The following CYSLTR2 variants were observed in gnomAD, a reference collection of about 807,000 sequenced individuals.
CYSLTR2 encodes cysteinyl leukotriene receptor 2.
For synonymous variants in CYSLTR2, 179 were observed against 160.8 expected (o/e 1.11, Z -0.86); for missense variants, 398 against 411.9 (o/e 0.97, Z 0.29).
chr13:48,686,274 T>G (rs986272376), intron 1 of CYSLTR2, among the ~76,000 whole-genome samples: 6 of 152,196 alleles, frequency 3.9e-5, no homozygotes, highest in African/African-American at 1.4e-4. Context: ...CTTTAGATCA[T>G]TATATGGATT....
chr13:48,692,798 A>G (rs1247187275), intron 2 of CYSLTR2, among the ~76,000 whole-genome samples: 1 of 151,360 alleles, frequency 6.6e-6, no homozygotes, highest in East Asian at 1.9e-4. Context: ...ATTTCATACA[A>G]TTTAAACAGT....
intron 1 of CYSLTR2, among the ~76,000 whole-genome samples, chr13:48,684,388 A>G (rs568169789): frequency 3.3e-5 from 5 of 151,670 alleles, no homozygotes; most frequent in African/African-American, 1.2e-4. Flanking sequence ...TCACATTCCC[A>G]TAAGGTATAA....
At chr13:48,654,749 A>C (rs1593917879) in intron 1 of CYSLTR2, among the ~76,000 whole-genome samples, 1 of 152,150 alleles carries the variant, frequency 6.6e-6, no homozygotes, top group African/African-American at 2.4e-5. Flanking sequence ...GAATCACCCG[A>C]CTCTGAGGAG....
At chr13:48,660,266 T>C (rs1264001190) in intron 1 of CYSLTR2, among the ~76,000 whole-genome samples, 1 of 152,066 alleles carries the variant, frequency 6.6e-6, no homozygotes. Context: ...TTCTGCTAGG[T>C]TTCAATCCCT....
intron 1 of CYSLTR2, among the ~76,000 whole-genome samples, chr13:48,679,034 AT>A (rs1178471097): frequency 6.6e-6 from 1 of 152,056 alleles, no homozygotes; most frequent in African/African-American, 2.4e-5. Flanking sequence ...TGAAATCCCA[AT>A]TCCTTGGTAT....
At chr13:48,681,088 C>G (rs149550047) in intron 1 of CYSLTR2, among the ~76,000 whole-genome samples, 1 of 152,090 alleles carries the variant, frequency 6.6e-6, no homozygotes, top group East Asian at 1.9e-4. Context: ...ATTATACTCT[C>G]CCTACAACTG....
At chr13:48,699,387 G>A (rs990527702) in intron 4 of CYSLTR2, among the ~76,000 whole-genome samples, 13 of 152,132 alleles carry the variant, frequency 8.5e-5, no homozygotes, top group Non-Finnish European at 1.3e-4. Context: ...TCGCAACTAC[G>A]TGGAAACTGA....
chr13:48,672,516 C>T lies in CYSLTR2; in HGVS notation c.-266+18499C>T, dbSNP rs1430870388. ...TTGGTTTCAAAGAATTTATTTATTTCTGCCTTAATTTCATTATTTACCCAG... is the reference window on the plus strand; with the variant it reads ...TTGGTTTCAAAGAATTTATTTATTTTTGCCTTAATTTCATTATTTACCCAG... On this transcript the variant is annotated intron_variant, in intron 1 of 4. Coordinates refer to ENST00000682523, the MANE Select transcript of CYSLTR2 (RefSeq NM_001308476.3). Among the ~76,000 whole-genome samples, 65 of 151,742 alleles carry T rather than the reference C, an allele frequency of 4.3e-4. 2 individuals carry two copies. The highest frequency in any genetic ancestry group is 1.5e-5 in the Non-Finnish European group (1 of 67,976).
At chr13:48,671,099 G>T (rs1223773100) in intron 1 of CYSLTR2, among the ~76,000 whole-genome samples, 1 of 152,166 alleles carries the variant, frequency 6.6e-6, no homozygotes, top group Non-Finnish European at 1.5e-5. Flanking sequence ...TTGGGTGTAG[G>T]AATGCTTGTG....
At chr13:48,705,972 G>C (rs1180008112) in intron 4 of CYSLTR2, among the ~76,000 whole-genome samples, 1 of 142,934 alleles carries the variant, frequency 7.0e-6, no homozygotes, top group African/African-American at 2.6e-5. Context: ...TTCTTTGTTT[G>C]TTTGTTTTTT....
chr13:48,702,910 C>G (rs1169528865), intron 4 of CYSLTR2, among the ~76,000 whole-genome samples: 1 of 152,120 alleles, frequency 6.6e-6, no homozygotes, highest in Non-Finnish European at 1.5e-5. Context: ...CCATTGTCTT[C>G]TAATCTATGA....
At chr13:48,679,694 A>G (rs1050175410) in intron 1 of CYSLTR2, among the ~76,000 whole-genome samples, 1 of 152,200 alleles carries the variant, frequency 6.6e-6, no homozygotes, top group Non-Finnish European at 1.5e-5. Flanking sequence ...TAACTGCAGT[A>G]CAACTCACTG....
chr13:48,680,737 G>A (rs1236581803), intron 1 of CYSLTR2, among the ~76,000 whole-genome samples: 5 of 149,986 alleles, frequency 3.3e-5, no homozygotes, highest in African/African-American at 1.2e-4. Context: ...CATTGGTCTG[G>A]CTAATTTTTA....
chr13:48,672,552 G>A (rs1451536275), intron 1 of CYSLTR2, among the ~76,000 whole-genome samples: 1 of 151,478 alleles, frequency 6.6e-6, no homozygotes, highest in African/African-American at 2.4e-5. Context: ...TAGTCATTCA[G>A]GAGCAGGTTG....
intron 1 of CYSLTR2, among the ~76,000 whole-genome samples, chr13:48,671,364 A>G (rs1252665012): frequency 6.6e-6 from 1 of 152,192 alleles, no homozygotes; most frequent in African/African-American, 2.4e-5. Flanking sequence ...GTATTTTCAA[A>G]GGGAATGCTT....
intron 4 of CYSLTR2, among the ~76,000 whole-genome samples, chr13:48,700,181 C>T (rs1302669268): frequency 6.6e-6 from 1 of 152,182 alleles, no homozygotes; most frequent in Non-Finnish European, 1.5e-5. Context: ...AGGCCAACAT[C>T]ATCCTGATAC....
chr13:48,694,986 G>GT (rs1430779755), intron 3 of CYSLTR2, among the ~76,000 whole-genome samples: 3 of 145,026 alleles, frequency 2.1e-5, no homozygotes, highest in African/African-American at 7.6e-5. Flanking sequence ...CCATGCACAT[G>GT]TAAAAAAAAA....
chr13:48,706,211 G>A (rs757900356), intron 4 of CYSLTR2, among the ~76,000 whole-genome samples: 5 of 152,066 alleles, frequency 3.3e-5, no homozygotes, highest in Non-Finnish European at 7.4e-5. Context: ...GGCCAGACTG[G>A]TCTTGAACTC....
rs1954609330 is a variant in CYSLTR2 at position 48,710,531 on chromosome 13, T to A, written c.*2673T>A. On this transcript the variant is annotated 3_prime_UTR_variant, in exon 5 of 5. Coordinates refer to ENST00000682523, the MANE Select transcript of CYSLTR2 (RefSeq NM_001308476.3). ...CAAAGAGAAGCTGTAAAGTGCTTCC[T>A]CTAACAGAAAATGTGAAAGTTCTTG... The A allele has an allele frequency of 6.6e-6, 1 of 152,152 alleles. No homozygotes were observed. The highest frequency in any genetic ancestry group is 1.5e-5 in the Non-Finnish European group (1 of 68,022). 9.4% of individuals were successfully genotyped at this position (152,152 alleles called of 1,614,324 possible).
Sources: allele counts gnomAD v4.1 joint callset (sites outside exome capture counted in the v4.1 genomes callset), GRCh38; gene constraint gnomAD v4.1.1; transcripts MANE v1.5; gene names NCBI Gene and HGNC (gene_info 2026-07-23, HGNC 2026-07-21).